PCDH15: variants seen among roughly 807,000 people sequenced by gnomAD.
PCDH15 encodes protocadherin related 15, also known as protocadherin-15.
Under a neutral mutation model 178.5 loss-of-function variants are expected in PCDH15, and 129 were observed. That is an observed-to-expected ratio of 0.72 (90% confidence interval 0.63 to 0.84). The LOEUF is 0.84. Ranked by LOEUF, PCDH15 falls within the 40% of genes least tolerant of loss-of-function variation. The pLI is 0.00. For synonymous variants in PCDH15, 800 were observed against 732.0 expected (o/e 1.09, Z -1.50); for missense variants, 2,230 against 2,099.9 (o/e 1.06, Z -1.21).
intron 2 of PCDH15, among the ~76,000 whole-genome samples, chr10:55,511,030 G>GTTTT (rs929113807): frequency 6.7e-6 from 1 of 148,338 alleles, no homozygotes; most frequent in African/African-American, 2.5e-5. Context: ...TGGCTAATTT[G>GTTTT]TTTTTTTTGT....
At chr10:53,879,286 G>A (rs930501530) in intron 26 of PCDH15, among the ~76,000 whole-genome samples, 1 of 152,092 alleles carries the variant, frequency 6.6e-6, no homozygotes, top group Non-Finnish European at 1.5e-5. Context: ...ACTGAGGAAA[G>A]TATAGTTATT....
chr10:55,022,577 CATT>C (rs1479494666), intron 2 of PCDH15, among the ~76,000 whole-genome samples: 2 of 152,078 alleles, frequency 1.3e-5, no homozygotes, highest in African/African-American at 4.8e-5. Context: ...TACTTCAACA[CATT>C]ATGTCCTACA....
intron 1 of PCDH15, among the ~76,000 whole-genome samples, chr10:54,755,754 GATTA>G (rs1249158896): frequency 2.0e-5 from 3 of 151,988 alleles, no homozygotes; most frequent in Non-Finnish European, 2.9e-5. Flanking sequence ...TACTGTATAA[GATTA>G]ATAAAAATGA....
intron 1 of PCDH15, among the ~76,000 whole-genome samples, chr10:55,230,407 A>T (rs1409062013): frequency 5.9e-5 from 9 of 152,206 alleles, no homozygotes; most frequent in African/African-American, 1.9e-4. Flanking sequence ...TTATAAAGTA[A>T]CTTAAGCATA....
intron 2 of PCDH15, among the ~76,000 whole-genome samples, chr10:54,563,727 T>C (rs1392193016): frequency 6.6e-6 from 1 of 152,122 alleles, no homozygotes; most frequent in Non-Finnish European, 1.5e-5. Context: ...GCTTGAGGTT[T>C]GATAATGTGG....
intron 2 of PCDH15, among the ~76,000 whole-genome samples, chr10:55,500,327 T>G (rs567108166): frequency 1.4e-4 from 21 of 151,632 alleles, no homozygotes; most frequent in African/African-American, 5.1e-4. Flanking sequence ...TTGAAGCAAT[T>G]ACATGAAACA....
chr10:54,608,445 GATA>G (rs1025496728), intron 2 of PCDH15, among the ~76,000 whole-genome samples: 6 of 151,704 alleles, frequency 4.0e-5, no homozygotes. Flanking sequence ...CATCACTACA[GATA>G]ATAATAATAA....
At chr10:54,435,913 G>T (rs556545690) in intron 3 of PCDH15, among the ~76,000 whole-genome samples, 3 of 151,462 alleles carry the variant, frequency 2.0e-5, no homozygotes, top group African/African-American at 4.9e-5. Context: ...GAGCTTGCAG[G>T]GAGCCGAGAT....
At chr10:54,044,646 AAAC>A (rs1191194695) in intron 18 of PCDH15, among the ~76,000 whole-genome samples, 1 of 152,156 alleles carries the variant, frequency 6.6e-6, no homozygotes, top group Non-Finnish European at 1.5e-5. Flanking sequence ...AATCAGCAAA[AAAC>A]AACGTCAAAT....
intron 3 of PCDH15, among the ~76,000 whole-genome samples, chr10:54,817,066 C>T (rs377681671): frequency 1.2e-4 from 19 of 152,074 alleles, no homozygotes; most frequent in East Asian, 9.7e-4. Flanking sequence ...GTCTTTCAAC[C>T]AGGACCAAGT....
intron 8 of PCDH15, among the ~76,000 whole-genome samples, chr10:54,304,876 G>C (rs1242750394): frequency 6.8e-6 from 1 of 147,060 alleles, no homozygotes; most frequent in East Asian, 1.9e-4. Flanking sequence ...CTTTTTTTTT[G>C]TATGTATTTG....
chr10:54,065,545 C>T (rs1184879126), intron 18 of PCDH15, among the ~76,000 whole-genome samples: 1 of 152,154 alleles, frequency 6.6e-6, no homozygotes, highest in Non-Finnish European at 1.5e-5. Context: ...GGAGTTGAAT[C>T]GCTTGTTGGC....
intron 2 of PCDH15, among the ~76,000 whole-genome samples, chr10:55,342,452 T>C (rs1001061764): frequency 6.6e-6 from 1 of 152,052 alleles, no homozygotes; most frequent in Admixed American, 6.6e-5. Flanking sequence ...GTTTTACTTT[T>C]TATTATTTAT....
chr10:53,991,749 G>C (rs1444862431), intron 21 of PCDH15, among the ~76,000 whole-genome samples: 1 of 152,054 alleles, frequency 6.6e-6, no homozygotes, highest in East Asian at 1.9e-4. Flanking sequence ...TTTATGTCTA[G>C]CTAGAGGATT....
At chr10:55,574,768 C>A (rs761965057) in intron 2 of PCDH15, among the ~76,000 whole-genome samples, 5 of 151,910 alleles carry the variant, frequency 3.3e-5, no homozygotes, top group Admixed American at 2.0e-4. Context: ...GAGTCAAATG[C>A]AGCTGCTGCA....
chr10:55,262,374 A>G (rs968831903), intron 1 of PCDH15, among the ~76,000 whole-genome samples: 1 of 152,154 alleles, frequency 6.6e-6, no homozygotes, highest in African/African-American at 2.4e-5. Context: ...TTGTGCCTAA[A>G]TGTTGCATTT....
intron 3 of PCDH15, among the ~76,000 whole-genome samples, chr10:54,806,829 C>T (rs1454091422): frequency 6.6e-6 from 1 of 152,142 alleles, no homozygotes; most frequent in Non-Finnish European, 1.5e-5. Context: ...AAGCTTGCTT[C>T]AGGCATTAGC....
chr10:55,530,051 C>A (rs1332856601), intron 2 of PCDH15, among the ~76,000 whole-genome samples: 1 of 151,682 alleles, frequency 6.6e-6, no homozygotes, highest in East Asian at 2.0e-4. Flanking sequence ...TTAAAATGAG[C>A]ATTGTCTCAT....
At chr10:54,283,994 A>T (rs1008797564) in intron 8 of PCDH15, among the ~76,000 whole-genome samples, 3 of 152,044 alleles carry the variant, frequency 2.0e-5, no homozygotes, top group Non-Finnish European at 4.4e-5. Context: ...ACTATGCCCA[A>T]ATAATTTTAA....
Sources: allele counts gnomAD v4.1 joint callset (sites outside exome capture counted in the v4.1 genomes callset), GRCh38; gene constraint gnomAD v4.1.1; transcripts MANE v1.5; gene names NCBI Gene and HGNC (gene_info 2026-07-23, HGNC 2026-07-21).